XPR1: variants seen among roughly 807,000 people sequenced by gnomAD.
XPR1 encodes the protein solute carrier family 53 member 1.
In XPR1, 28 loss-of-function variants were observed where a neutral mutation model predicts 87.5. That is an observed-to-expected ratio of 0.32 (90% CI 0.24 to 0.44). The LOEUF is 0.44. Among genes scored for constraint, XPR1 ranks in the 20% least tolerant of loss-of-function variants. The pLI is 1.00. For missense variants in XPR1, 559 were observed against 862.3 expected (o/e 0.65, Z 4.41); for synonymous variants, 300 against 306.1 (o/e 0.98, Z 0.21).
At chr1:180,741,190 G>A (rs530854704) in intron 2 of XPR1, among the ~76,000 whole-genome samples, 1 of 152,274 alleles carries the variant, frequency 6.6e-6, no homozygotes, top group South Asian at 2.1e-4. Flanking sequence ...TTGAGACGGA[G>A]TCTCACTCTG....
At chr1:180,659,024 G>C (rs1354052322) in intron 1 of XPR1, among the ~76,000 whole-genome samples, 1 of 152,148 alleles carries the variant, frequency 6.6e-6, no homozygotes. Context: ...GTATTTTGTT[G>C]AGGATTTTTA....
Position 180,841,239 on chromosome 1 carries a change from T to C in XPR1, c.1501+4523T>C, listed in dbSNP as rs138832124. Among the ~76,000 whole-genome samples the C allele has an allele frequency of 6.7e-3, 1,015 of 152,272 alleles. 12 individuals are homozygous for C. The highest frequency in any genetic ancestry group is 0.023 in the African/African-American group (965 of 41,564). On this transcript the variant is annotated intron_variant, in intron 11 of 14. Coordinates refer to ENST00000367590, the MANE Select transcript of XPR1 (RefSeq NM_004736.4). ...GGGAGGAAGACTTCTGGAGGTAACA[T>C]CTAAGCTGTATCCTATTGTTTATAT...
intron 1 of XPR1, among the ~76,000 whole-genome samples, chr1:180,678,006 A>G (rs1656423628): frequency 6.6e-6 from 1 of 152,230 alleles, no homozygotes. Context: ...TCCAGGTTTG[A>G]TAATTTGCTA....
Position 180,712,574 on chromosome 1 carries a change from G to A in XPR1, c.121+30163G>A, listed in dbSNP as rs137955356. ...TGTAATCCCAGCACTTTGGGAGGCC[G>A]AGACAGTGGATCACCTGAGTGAGGA... On this transcript the variant is annotated intron_variant, in intron 2 of 14. Coordinates refer to ENST00000367590, the MANE Select transcript of XPR1 (RefSeq NM_004736.4). Among the ~76,000 whole-genome samples the A allele has an allele frequency of 2.0e-5, 3 of 152,288 alleles. No individual in the cohort carries two copies. The East Asian group carries it at 5.8e-4, about 29-fold the overall frequency.
chr1:180,711,844 C>G (rs1001226166), intron 2 of XPR1, among the ~76,000 whole-genome samples: 1 of 152,140 alleles, frequency 6.6e-6, no homozygotes, highest in African/African-American at 2.4e-5. Context: ...TTAGGTTTTA[C>G]ATTTAGGTCT....
intron 2 of XPR1, among the ~76,000 whole-genome samples, chr1:180,743,616 T>C (rs927952110): frequency 6.6e-6 from 1 of 152,160 alleles, no homozygotes; most frequent in Non-Finnish European, 1.5e-5. Flanking sequence ...GTTTTGAGTT[T>C]CCTGATTATT....
chr1:180,820,430 T>C (rs1229574314), intron 7 of XPR1, among the ~76,000 whole-genome samples: 4 of 152,248 alleles, frequency 2.6e-5, no homozygotes, highest in Admixed American at 6.5e-5. Context: ...TCAAGGTTCA[T>C]CCATGTTGTA....
intron 2 of XPR1, among the ~76,000 whole-genome samples, chr1:180,704,811 G>GTTTT (rs1182063865): frequency 1.1e-4 from 7 of 63,606 alleles, no homozygotes; most frequent in Admixed American, 3.2e-4. Context: ...GGGACTGTTG[G>GTTTT]TTGTTTTTTT....
chr1:180,784,817 C>G (rs1356283049), intron 2 of XPR1, among the ~76,000 whole-genome samples: 1 of 151,916 alleles, frequency 6.6e-6, no homozygotes, highest in Non-Finnish European at 1.5e-5. Context: ...TACTTCTAGA[C>G]TCTGTATTCT....
At chr1:180,880,593 T>G (rs1225877641) in intron 14 of XPR1, among the ~76,000 whole-genome samples, 1 of 152,252 alleles carries the variant, frequency 6.6e-6, no homozygotes, top group Non-Finnish European at 1.5e-5. Flanking sequence ...CTCTTCTGTG[T>G]GTTGTGTATG....
intron 1 of XPR1, among the ~76,000 whole-genome samples, chr1:180,680,427 G>A (rs541291532): frequency 7.0e-6 from 1 of 142,236 alleles, no homozygotes; most frequent in South Asian, 2.2e-4. Flanking sequence ...ATGCAGTGGT[G>A]CGATCTTGGG....
At chr1:180,796,481 A>G (rs151026325) in intron 3 of XPR1, among the ~76,000 whole-genome samples, 11 of 152,288 alleles carry the variant, frequency 7.2e-5, no homozygotes, top group African/African-American at 2.4e-4. Context: ...CATTACTTTA[A>G]AGAAAGTAGC....
chr1:180,688,049 ATTTT>A (rs61214643), intron 2 of XPR1, among the ~76,000 whole-genome samples: 1 of 130,550 alleles, frequency 7.7e-6, no homozygotes, highest in Non-Finnish European at 1.6e-5. Context: ...TATGTTATTA[ATTTT>A]TTTTTTTTTT....
intron 10 of XPR1, 57 bp from the exon 11 acceptor site, chr1:180,836,465 G>T: frequency 1.3e-6 from 2 of 1,598,348 alleles, no homozygotes; most frequent in Non-Finnish European, 8.5e-7. Context: ...ATGGCTAAAT[G>T]ATGTGAACAA....
intron 2 of XPR1, among the ~76,000 whole-genome samples, chr1:180,734,863 C>G (rs1658678119): frequency 6.6e-6 from 1 of 152,058 alleles, no homozygotes; most frequent in South Asian, 2.1e-4. Flanking sequence ...TGGAGGAGGT[C>G]TCAGAAAATA....
chr1:180,659,237 CCTTCCTTCCTT>C (rs1655660904), intron 1 of XPR1, among the ~76,000 whole-genome samples: 1 of 23,926 alleles, frequency 4.2e-5, no homozygotes, highest in African/African-American at 1.2e-4. Flanking sequence ...TTCCTTCCTT[CCTTCCTTCCTT>C]CCTCCCTCCC....
intron 2 of XPR1, among the ~76,000 whole-genome samples, chr1:180,685,537 A>G (rs2101949207): frequency 6.6e-6 from 1 of 152,124 alleles, no homozygotes; most frequent in Admixed American, 6.5e-5. Context: ...TTTTCTATTG[A>G]TTGGAATAGT....
chr1:180,673,773 C>G (rs7517852), intron 1 of XPR1, among the ~76,000 whole-genome samples: 1 of 152,256 alleles, frequency 6.6e-6, no homozygotes, highest in South Asian at 2.1e-4. Flanking sequence ...AATTGTCTTC[C>G]GTGAAACTAG....
In XPR1 at chr1:180,647,050, T is replaced by G. The variant is rs146084044; in HGVS notation, c.69+14780T>G. The stretch of plus-strand genomic sequence containing the variant: ...TTGCAGCTGCTTCACAGCACTAGCA[T>G]CACTGCCTCAGCTCCACCTCAGATC... On this transcript the variant is annotated intron_variant, in intron 1 of 14. Transcript: ENST00000367590. Among the ~76,000 whole-genome samples, 178 of 152,358 alleles carry G rather than the reference T, an allele frequency of 1.2e-3. 1 individual carries two copies. The highest frequency in any genetic ancestry group is 4.2e-3 in the African/African-American group (174 of 41,586).
Sources: gnomAD v4.1 joint callset for allele counts (sites outside exome capture counted in the v4.1 genomes callset) on GRCh38, gnomAD v4.1.1 for gene constraint, MANE v1.5 for transcripts, NCBI Gene and HGNC (gene_info 2026-07-23, HGNC 2026-07-21) for gene names.